The following ADAMTS6 variants were observed in gnomAD, a reference collection of about 807,000 sequenced individuals.
ADAMTS6 encodes the protein A disintegrin and metalloproteinase with thrombospondin motifs 6.
In ADAMTS6, 23 loss-of-function variants were observed where a neutral mutation model predicts 144.3. The ratio of observed to expected loss-of-function variants is 0.16; its 90% confidence interval spans 0.11 to 0.23. The LOEUF is 0.23. Ranked by LOEUF, ADAMTS6 falls within the 10% of genes least tolerant of loss-of-function variation. The pLI is 1.00. For synonymous variants in ADAMTS6, 444 were observed against 457.5 expected (o/e 0.97, Z 0.38); for missense variants, 999 against 1,379.6 (o/e 0.72, Z 4.37).
At chr5:65,361,346 T>C (rs890598017) in intron 7 of ADAMTS6, among the ~76,000 whole-genome samples, 1 of 152,182 alleles carries the variant, frequency 6.6e-6, no homozygotes, top group Non-Finnish European at 1.5e-5. Context: ...GACACTCAAA[T>C]AGCCACCACT....
At chr5:65,218,033 G>A (rs1261766422) in intron 18 of ADAMTS6, among the ~76,000 whole-genome samples, 2 of 152,154 alleles carry the variant, frequency 1.3e-5, no homozygotes, top group African/African-American at 2.4e-5. Flanking sequence ...CTCACCAAGT[G>A]AAGAAGAGAG....
At chr5:65,222,523 A>G (rs1470547902) in intron 18 of ADAMTS6, among the ~76,000 whole-genome samples, 2 of 152,146 alleles carry the variant, frequency 1.3e-5, no homozygotes, top group African/African-American at 2.4e-5. Flanking sequence ...ATTTCTTATC[A>G]TAGTTTTAAG....
At chr5:65,222,133 T>C (rs528683133) in intron 18 of ADAMTS6, among the ~76,000 whole-genome samples, 64 of 152,326 alleles carry the variant, frequency 4.2e-4, no homozygotes, top group Admixed American at 1.0e-3. Context: ...CTAATATGTA[T>C]ATAGAAATAT....
intron 15 of ADAMTS6, 40 bp from the exon 16 acceptor site, chr5:65,226,259 G>A (rs1757715121): frequency 1.2e-6 from 2 of 1,600,926 alleles, no homozygotes; most frequent in South Asian, 2.2e-5. Context: ...TGGAGTGGTT[G>A]TCCTAATGAA....
intron 7 of ADAMTS6, among the ~76,000 whole-genome samples, chr5:65,417,509 C>T (rs914255898): frequency 6.6e-6 from 1 of 151,926 alleles, no homozygotes; most frequent in Non-Finnish European, 1.5e-5. Context: ...TTTCTGGAAC[C>T]GATAAACAAT....
rs139831197 is a variant in ADAMTS6 at position 65,428,601 on chromosome 5, A to G, written c.1073+22874T>C. Among the ~76,000 whole-genome samples the G allele has an allele frequency of 4.6e-5, 7 of 152,358 alleles. No homozygotes were observed. In the East Asian group the frequency reaches 1.2e-3, roughly 25 times the overall value. On this transcript the variant is annotated intron_variant, in intron 7 of 24. Transcript: ENST00000381055. ...GCACCAAAATGGCTCCTCAGTTTAC[A>G]TGCTACACTCAAGTTGCTTACTTTT...
Position 65,148,875 on chromosome 5 carries a change from C to A in ADAMTS6, c.*2961G>T, listed in dbSNP as rs1751987712. The A allele has an allele frequency of 6.6e-6, 1 of 152,364 alleles. No individual in the cohort carries two copies. The highest frequency in any genetic ancestry group is 1.5e-5 in the Non-Finnish European group (1 of 68,010). The allele number at this position is 152,364 out of a possible 1,614,324, so 9.4% of individuals were successfully genotyped here. The stretch of plus-strand genomic sequence containing the variant: ...TACAAGCAGGAGAATGAATGTAGGA[C>A]AAGTGTTAGGAAACATGGCAATAAA... On this transcript the variant is annotated 3_prime_UTR_variant, in exon 25 of 25. Coordinates refer to ENST00000381055, the MANE Select transcript of ADAMTS6 (RefSeq NM_197941.4).
At chr5:65,430,919 T>A (rs1366504685) in intron 7 of ADAMTS6, among the ~76,000 whole-genome samples, 1 of 152,192 alleles carries the variant, frequency 6.6e-6, no homozygotes, top group African/African-American at 2.4e-5. Context: ...CTACCCCAGA[T>A]GCATATCACA....
intron 7 of ADAMTS6, among the ~76,000 whole-genome samples, chr5:65,370,626 C>A (rs549961125): frequency 6.6e-6 from 1 of 152,210 alleles, no homozygotes. Flanking sequence ...GAGGGTCCTA[C>A]GCCCACGGAG....
At chr5:65,424,135 T>C (rs1756307345) in intron 7 of ADAMTS6, among the ~76,000 whole-genome samples, 1 of 152,206 alleles carries the variant, frequency 6.6e-6, no homozygotes, top group Admixed American at 6.5e-5. Context: ...TCTTTTTCCT[T>C]GAAGCATAGC....
intron 8 of ADAMTS6, among the ~76,000 whole-genome samples, chr5:65,331,955 G>C (rs555857552): frequency 1.3e-5 from 2 of 151,736 alleles, no homozygotes; most frequent in East Asian, 3.9e-4. Flanking sequence ...AAAGTGCATT[G>C]ACACATACCT....
chr5:65,224,339 G>A lies in ADAMTS6; in HGVS notation c.2253C>T (p.Ala751=), dbSNP rs368939424. 3 of 1,613,934 alleles carry A rather than the reference G, an allele frequency of 1.9e-6. No individual in the cohort carries two copies. Among genetic ancestry groups the A allele is most frequent in the Non-Finnish European group, 2.5e-6 (3 of 1,179,962 alleles). The part of the protein sequence containing the change: ...GSVHIEVREV[A]MSKNYIALKS... ...ACATACCAATATAGTTCTTTGACAT[G>A]GCAACTTCTCTAACTTCAATGTGAA... Residue 751 remains alanine, a synonymous_variant, in exon 18 of 25, where the codon GCC becomes GCT. Coordinates refer to ENST00000381055, the MANE Select transcript of ADAMTS6 (RefSeq NM_197941.4).
chr5:65,248,083 T>C (rs1240112917), intron 14 of ADAMTS6, among the ~76,000 whole-genome samples: 2 of 152,214 alleles, frequency 1.3e-5, no homozygotes, highest in African/African-American at 4.8e-5. Context: ...AGGTACCATA[T>C]GCGCTAACAA....
At chr5:65,480,876 C>G (rs79290490) in intron 1 of ADAMTS6, among the ~76,000 whole-genome samples, 7,000 of 152,266 alleles carry the variant, frequency 0.046, 188 homozygotes, top group Non-Finnish European at 0.068. Context: ...ATGCTACCCT[C>G]TGAGCCCAGG....
chr5:65,302,107 AATAT>A (rs1200317185), intron 9 of ADAMTS6, among the ~76,000 whole-genome samples: 9 of 34,082 alleles, frequency 2.6e-4, no homozygotes, highest in African/African-American at 8.9e-4. Context: ...AAAAAAAAAA[AATAT>A]ATATATATAT....
intron 7 of ADAMTS6, among the ~76,000 whole-genome samples, chr5:65,365,768 G>C (rs1175254197): frequency 2.0e-5 from 3 of 152,016 alleles, no homozygotes; most frequent in Non-Finnish European, 1.5e-5. Flanking sequence ...TTTATAGATG[G>C]TCACATTTTT....
intron 1 of ADAMTS6, among the ~76,000 whole-genome samples, chr5:65,477,130 A>G (rs1760894620): frequency 6.6e-6 from 1 of 152,224 alleles, no homozygotes; most frequent in Admixed American, 6.5e-5. Context: ...CTACTTATAT[A>G]CAGATTCCAT....
intron 3 of ADAMTS6, among the ~76,000 whole-genome samples, chr5:65,462,104 T>G (rs184670051): frequency 1.3e-5 from 2 of 152,350 alleles, no homozygotes; most frequent in Non-Finnish European, 2.9e-5. Flanking sequence ...CTATATTAAA[T>G]GCAAATACTG....
intron 24 of ADAMTS6, among the ~76,000 whole-genome samples, chr5:65,152,182 C>A (rs1403724630): frequency 6.6e-6 from 1 of 152,166 alleles, no homozygotes; most frequent in Non-Finnish European, 1.5e-5. Flanking sequence ...GGCTTTCCTT[C>A]CAGATTTTTA....
Sources: gnomAD v4.1 joint callset for allele counts (sites outside exome capture counted in the v4.1 genomes callset) on GRCh38, gnomAD v4.1.1 for gene constraint, MANE v1.5 for transcripts, NCBI Gene and HGNC (gene_info 2026-07-23, HGNC 2026-07-21) for gene names.